The following FRK variants were observed in gnomAD, a reference collection of about 807,000 sequenced individuals.
The protein encoded by FRK is tyrosine-protein kinase FRK.
Under a neutral mutation model 56.4 loss-of-function variants are expected in FRK, and 51 were observed. The ratio of observed to expected loss-of-function variants is 0.90; its 90% CI spans 0.72 to 1.14. The LOEUF (loss-of-function observed/expected upper bound fraction) is 1.14, where lower values mean the gene tolerates loss of function less well. FRK is among the 50% of genes most tolerant of loss of function. The pLI, the probability that FRK is intolerant of heterozygous loss-of-function variation, is 0.00. For synonymous variants in FRK, 245 were observed against 217.9 expected (o/e 1.12, Z -1.10); for missense variants, 570 against 601.4 (o/e 0.95, Z 0.55).
At chr6:115,980,475 T>G (rs964436711) in intron 2 of FRK, among the ~76,000 whole-genome samples, 2 of 152,192 alleles carry the variant, frequency 1.3e-5, no homozygotes, top group African/African-American at 4.8e-5. Context: ...CAGCTGAGGT[T>G]CCTTGTGGAA....
chr6:116,004,157 T>A (rs1775168039), intron 1 of FRK, among the ~76,000 whole-genome samples, 159 bp from the exon 2 acceptor site: 2 of 152,198 alleles, frequency 1.3e-5, no homozygotes, highest in African/African-American at 2.4e-5. Flanking sequence ...TTGAGATGAT[T>A]TTTCAGAATG....
chr6:116,095,236 C>A, the FRK span, among the ~76,000 whole-genome samples: 52 of 152,316 alleles, frequency 3.4e-4, no homozygotes, highest in African/African-American at 1.3e-3. Context: ...TAAGGGAAAA[C>A]GACACCATGG....
chr6:115,985,225 G>A (rs981698771), intron 2 of FRK, among the ~76,000 whole-genome samples: 4 of 152,110 alleles, frequency 2.6e-5, no homozygotes, highest in Admixed American at 2.6e-4. Context: ...TCCATGCATA[G>A]TAACTACTAT....
chr6:116,015,496 T>C (rs1423148017), intron 1 of FRK, among the ~76,000 whole-genome samples: 1 of 152,178 alleles, frequency 6.6e-6, no homozygotes, highest in African/African-American at 2.4e-5. Context: ...GGGGCACTGC[T>C]ATAAAGAAAA....
At chr6:116,002,146 T>C (rs577578579) in intron 2 of FRK, among the ~76,000 whole-genome samples, 4 of 152,368 alleles carry the variant, frequency 2.6e-5, no homozygotes, top group Non-Finnish European at 5.9e-5. Flanking sequence ...TTTTTATGTT[T>C]CTTTCATAAT....
chr6:115,982,954 C>A (rs569648776), intron 2 of FRK, among the ~76,000 whole-genome samples: 1 of 152,058 alleles, frequency 6.6e-6, no homozygotes, highest in South Asian at 2.1e-4. Context: ...CACCTCTAAT[C>A]CCAGCTACTA....
At chr6:116,026,074 T>A (rs1185582746) in intron 1 of FRK, among the ~76,000 whole-genome samples, 1 of 152,150 alleles carries the variant, frequency 6.6e-6, no homozygotes, top group Non-Finnish European at 1.5e-5. Flanking sequence ...ATTCTACCAA[T>A]AACTCTATAA....
At chr6:115,987,060 A>G (rs1774423941) in intron 2 of FRK, among the ~76,000 whole-genome samples, 1 of 152,096 alleles carries the variant, frequency 6.6e-6, no homozygotes, top group African/African-American at 2.4e-5. Context: ...CAATCTCTTC[A>G]TAGGCCATGG....
rs377071551 is a variant in FRK at position 115,940,946 on chromosome 6, C to T, written c.*1468G>A. 5 of 152,304 alleles carry T rather than the reference C, an allele frequency of 3.3e-5. No individual in the cohort carries two copies. The highest frequency in any genetic ancestry group is 1.2e-4 in the African/African-American group (5 of 41,568). The allele number at this position is 152,304 out of a possible 1,614,324, so 9.4% of individuals were successfully genotyped here. On this transcript the variant is annotated 3_prime_UTR_variant, in exon 8 of 8. Coordinates refer to ENST00000606080, the MANE Select transcript of FRK (RefSeq NM_002031.3). Reference sequence around the variant, plus strand: ...CATTGTGGAGGACAGTGTAGCAATTCCTCAAGGATCTAGAACTAGAAATAC... The same window carrying T: ...CATTGTGGAGGACAGTGTAGCAATTTCTCAAGGATCTAGAACTAGAAATAC...
chr6:116,079,434 G>A, the FRK span, among the ~76,000 whole-genome samples: 1 of 150,538 alleles, frequency 6.6e-6, no homozygotes, highest in Admixed American at 6.6e-5. Flanking sequence ...TTCTGGATAA[G>A]GGCTCTTTAT....
intron 1 of FRK, among the ~76,000 whole-genome samples, chr6:116,033,676 C>A (rs537334445): frequency 2.6e-5 from 4 of 152,042 alleles, no homozygotes; most frequent in Non-Finnish European, 5.9e-5. Context: ...ATAATTAGGG[C>A]CTTGAAAGGC....
At chr6:115,993,677 A>G (rs1237017193) in intron 2 of FRK, among the ~76,000 whole-genome samples, 1 of 152,016 alleles carries the variant, frequency 6.6e-6, no homozygotes, top group Non-Finnish European at 1.5e-5. Context: ...CTTGAAAAAT[A>G]AAAAAGAACT....
At chr6:116,013,589 C>T (rs1412744325) in intron 1 of FRK, among the ~76,000 whole-genome samples, 1 of 152,136 alleles carries the variant, frequency 6.6e-6, no homozygotes, top group African/African-American at 2.4e-5. Flanking sequence ...AGTAAATGCA[C>T]TTGATCTTAT....
At chr6:116,082,983 T>G in the FRK span, among the ~76,000 whole-genome samples, 1 of 151,928 alleles carries the variant, frequency 6.6e-6, no homozygotes, top group African/African-American at 2.4e-5. Flanking sequence ...ATCAAGAAGA[T>G]GAGGAAGTTC....
At chr6:116,051,073 A>G (rs1777159171) in intron 1 of FRK, among the ~76,000 whole-genome samples, 1 of 152,176 alleles carries the variant, frequency 6.6e-6, no homozygotes, top group Non-Finnish European at 1.5e-5. Context: ...GAGGAACCTT[A>G]AAGTGGGATC....
chr6:116,070,478 T>C, the FRK span, among the ~76,000 whole-genome samples: 1 of 152,176 alleles, frequency 6.6e-6, no homozygotes, highest in African/African-American at 2.4e-5. Flanking sequence ...ACAATTTATT[T>C]TGCGTCCTTT....
chr6:115,970,531 A>C (rs185614264), intron 2 of FRK, among the ~76,000 whole-genome samples: 4 of 152,352 alleles, frequency 2.6e-5, no homozygotes, highest in Admixed American at 2.6e-4. Flanking sequence ...AAATTTGTAA[A>C]TAAACAAAAA....
chr6:116,079,374 T>A, the FRK span, among the ~76,000 whole-genome samples: 2 of 151,736 alleles, frequency 1.3e-5, no homozygotes, highest in African/African-American at 4.8e-5. Flanking sequence ...TTGATTCAGG[T>A]CTTTTGCCTA....
chr6:116,039,331 A>G (rs1237017306), intron 1 of FRK: 1 of 1,417,946 alleles, frequency 7.1e-7, no homozygotes, highest in East Asian at 2.3e-5. Flanking sequence ...ATGGTGTCCA[A>G]CATCTCTGAT....
Sources: allele counts gnomAD v4.1 joint callset (sites outside exome capture counted in the v4.1 genomes callset), GRCh38; gene constraint gnomAD v4.1.1; transcripts MANE v1.5; gene names NCBI Gene and HGNC (gene_info 2026-07-23, HGNC 2026-07-21).